Variants in MCTP2 observed in about 807,000 individuals in gnomAD.
MCTP2 encodes multiple C2 and transmembrane domain containing 2.
A neutral mutation model predicts 111.6 loss-of-function variants in MCTP2; 132 were observed. That is an observed-to-expected ratio of 1.18 (90% CI 1.03 to 1.37). MCTP2 has a LOEUF of 1.37. Among genes scored for constraint, MCTP2 ranks in the 40% most tolerant of loss-of-function variants. The pLI is 0.00. For missense variants in MCTP2, 1,183 were observed against 1,067.9 expected (o/e 1.11, Z -1.50); for synonymous variants, 395 against 387.7 (o/e 1.02, Z -0.22).
chr15:94,326,734 A>AT, intron 4 of MCTP2, among the ~76,000 whole-genome samples: 1 of 150,720 alleles, frequency 6.6e-6, no homozygotes. Context: ...CGCCTGGCTA[A>AT]TTTTTGTGTT....
intron 9 of MCTP2, among the ~76,000 whole-genome samples, chr15:94,357,883 T>C (rs1426196392): frequency 2.0e-5 from 3 of 152,142 alleles, no homozygotes; most frequent in Admixed American, 2.0e-4. Flanking sequence ...CAGAAACACT[T>C]GTGGAGTTTT....
chr15:94,405,921 A>G (rs1032050496), intron 17 of MCTP2, among the ~76,000 whole-genome samples: 1 of 152,034 alleles, frequency 6.6e-6, no homozygotes, highest in Non-Finnish European at 1.5e-5. Context: ...AACATTCTTG[A>G]CTTTCCCATT....
At chr15:94,259,534 G>A (rs180986954) in intron 1 of MCTP2, among the ~76,000 whole-genome samples, 1 of 152,094 alleles carries the variant, frequency 6.6e-6, no homozygotes, top group Non-Finnish European at 1.5e-5. Context: ...AACTATTTCT[G>A]TTCTATGTAG....
chr15:94,421,005 C>A (rs937175871), intron 17 of MCTP2, among the ~76,000 whole-genome samples: 2 of 152,128 alleles, frequency 1.3e-5, no homozygotes, highest in Non-Finnish European at 2.9e-5. Flanking sequence ...TCAGCAACCA[C>A]CACCCTGATC....
At chr15:94,251,790 A>T (rs2152268596) in intron 1 of MCTP2, among the ~76,000 whole-genome samples, 1 of 152,192 alleles carries the variant, frequency 6.6e-6, no homozygotes, top group Admixed American at 6.5e-5. Context: ...CTGTTTCCTC[A>T]TTGTCCTCTC....
rs2083706849 is a variant in MCTP2, at chr15:94,440,306, A to G, written c.2208+8A>G. 1 of 1,613,392 alleles carries G rather than the reference A, an allele frequency of 6.2e-7. No individual in the cohort carries two copies. The highest frequency in any genetic ancestry group is 8.5e-7 in the Non-Finnish European group (1 of 1,179,764). On this transcript the variant is annotated splice_region_variant and intron_variant, in intron 18 of 22. Transcript: ENST00000357742. ...AGCATCCAGGACAGCCAGGTAAGCA[A>G]GGATTCGGAGTTCTGACATTTGACT...
intron 1 of MCTP2, among the ~76,000 whole-genome samples, chr15:94,296,240 A>C (rs2075271143): frequency 6.6e-6 from 1 of 152,236 alleles, no homozygotes; most frequent in Non-Finnish European, 1.5e-5. Context: ...TTGCAAGTCA[A>C]GTTATGAGAT....
chr15:94,458,391 C>T, intron 20 of MCTP2, 145 bp downstream of exon 20: 2 of 605,098 alleles, frequency 3.3e-6, no homozygotes, highest in Non-Finnish European at 6.0e-6. Context: ...CACTGTCTGA[C>T]TTCAGTTGGC....
At chr15:94,467,411 T>A (rs1433656275) in intron 20 of MCTP2, among the ~76,000 whole-genome samples, 7 of 50,660 alleles carry the variant, frequency 1.4e-4, no homozygotes, top group East Asian at 8.8e-4. Flanking sequence ...AGTTGTTACT[T>A]ACTTTTATTA....
At position 94,394,083 on chromosome 15, in the gene MCTP2, G is replaced by A. The variant is rs74474022; in HGVS notation, c.1789-4878G>A. On this transcript the variant is annotated intron_variant, in intron 14 of 22. Coordinates refer to ENST00000357742, the MANE Select transcript of MCTP2 (RefSeq NM_001385001.1). ...AAAAAAAAAAAAAAATGTAAAAAAC[G>A]TGGTAGCTGAACACGTATGAATGGC... is the stretch of plus-strand genomic sequence containing the variant. Among the ~76,000 whole-genome samples the A allele has an allele frequency of 9.7e-3, 1,437 of 148,030 alleles. 24 individuals are homozygous for A. The highest frequency in any genetic ancestry group is 0.033 in the African/African-American group (1,305 of 40,152).
chr15:94,241,618 A>C (rs958778251), intron 1 of MCTP2, among the ~76,000 whole-genome samples: 1 of 152,142 alleles, frequency 6.6e-6, no homozygotes, highest in African/African-American at 2.4e-5. Flanking sequence ...ATAGTATAGA[A>C]CAATATTATG....
chr15:94,331,968 A>C (rs1390452803), intron 4 of MCTP2, among the ~76,000 whole-genome samples: 2 of 152,200 alleles, frequency 1.3e-5, no homozygotes, highest in Admixed American at 1.3e-4. Flanking sequence ...CCTTATCTGC[A>C]AAAGAAAGAT....
chr15:94,442,796 G>A lies in MCTP2; in HGVS notation c.2209-123G>A, dbSNP rs75281537. On this transcript the variant is annotated intron_variant, in intron 18 of 22. Coordinates refer to ENST00000357742, the MANE Select transcript of MCTP2 (RefSeq NM_001385001.1). The stretch of plus-strand genomic sequence containing the variant: ...TAAAAGAGTTATTGTTTAAGAGGTT[G>A]TAATGCATTTCAAAAATATAAATGC... 5.8e-3 allele frequency: 4,389 copies of A among 759,928 alleles called. 132 individuals carry two copies. The African/African-American group carries it at 0.065, about 11-fold the overall frequency. 47.1% of individuals were successfully genotyped at this position (759,928 alleles called of 1,614,324 possible).
intron 20 of MCTP2, among the ~76,000 whole-genome samples, chr15:94,467,519 G>A (rs188998367): frequency 1.2e-4 from 19 of 152,174 alleles, no homozygotes; most frequent in Admixed American, 4.6e-4. Context: ...CTTTGAGCCC[G>A]CGGGTTGGGG....
chr15:94,456,636 A>T lies in MCTP2; in HGVS notation c.2251-1501A>T, dbSNP rs17662821. Among the ~76,000 whole-genome samples the T allele has an allele frequency of 5.8e-4, 89 of 152,360 alleles. 1 individual carries two copies. In the East Asian group the frequency reaches 0.014, roughly 24 times the overall value. On this transcript the variant is annotated intron_variant, in intron 19 of 22. Transcript: ENST00000357742. ...CTGAGGAATTAGAGTAAGGGAAAAA[A>T]TTCAAATTAGGATAAAAAAGTAAAA...
chr15:94,266,021 A>G (rs2073502280), intron 1 of MCTP2, among the ~76,000 whole-genome samples: 2 of 152,226 alleles, frequency 1.3e-5, no homozygotes, highest in South Asian at 4.1e-4. Context: ...AGACAAGATC[A>G]CATCTTTAAA....
intron 17 of MCTP2, among the ~76,000 whole-genome samples, chr15:94,425,174 A>C (rs1474595955): frequency 6.6e-6 from 1 of 152,106 alleles, no homozygotes; most frequent in Non-Finnish European, 1.5e-5. Flanking sequence ...TTGTGTTCTG[A>C]GTAGTATCCA....
intron 20 of MCTP2, among the ~76,000 whole-genome samples, chr15:94,466,072 T>C (rs2073254924): frequency 6.6e-6 from 1 of 152,224 alleles, no homozygotes; most frequent in Admixed American, 6.5e-5. Flanking sequence ...CTTCAATTAT[T>C]ATGGTTTGCA....
chr15:94,407,375 A>G (rs769208846), intron 17 of MCTP2, among the ~76,000 whole-genome samples: 59 of 152,314 alleles, frequency 3.9e-4, no homozygotes, highest in Non-Finnish European at 3.5e-4. Flanking sequence ...TTTGTGGGGC[A>G]TTGATGGATT....
Sources: gnomAD v4.1 joint callset for allele counts (sites outside exome capture counted in the v4.1 genomes callset) on GRCh38, gnomAD v4.1.1 for gene constraint, MANE v1.5 for transcripts, NCBI Gene and HGNC (gene_info 2026-07-23, HGNC 2026-07-21) for gene names.